Variants in SHOX observed in about 807,000 individuals in gnomAD.
The protein encoded by SHOX is SHOX homeobox.
A neutral mutation model predicts 29.6 loss-of-function variants in SHOX; 12 were observed. The observed-to-expected ratio is 0.41, with a 90% CI of 0.26 to 0.66. The LOEUF (loss-of-function observed/expected upper bound fraction) is 0.66, where lower values mean the gene tolerates loss of function less well. Among genes scored for constraint, SHOX ranks in the 30% least tolerant of loss-of-function variants. The probability of loss-of-function intolerance (pLI) is 0.35; values close to 1 mark genes in which losing one functional copy is unlikely to be tolerated. For synonymous variants in SHOX, 214 were observed against 200.6 expected, an observed-to-expected ratio of 1.07 and a Z score of -0.57; for missense variants, 499 against 437.7, an observed-to-expected ratio of 1.14 and a Z score of -1.25.
intron 2 of SHOX, among the ~76,000 whole-genome samples, chrX:635,245 A>G (rs2052724543): frequency 6.6e-6 from 1 of 151,924 alleles, no homozygotes; most frequent in South Asian, 2.1e-4. Context: ...CCTGGATTAT[A>G]CTTAGGAGAC....
Position 648,930 on chromosome X carries a change from C to CTT in SHOX, c.*4295_*4296insTT, listed in dbSNP as rs1457789033. ...TTCCTTTCTTTCTTTTTCTTTCTTT[C>CTT]TCTCTTTCTTTCTTTTCTTTCTTTC... On this transcript the variant is annotated 3_prime_UTR_variant, in exon 5 of 5. Transcript: ENST00000686671. Among the ~76,000 whole-genome samples the CTT allele has an allele frequency of 5.7e-5, 5 of 88,156 alleles. No individual in the cohort carries two copies. Among genetic ancestry groups the CTT allele is most frequent in the South Asian group, 2.9e-4 (1 of 3,504 alleles). The allele number at this position is 88,156 out of a possible 152,430, so 57.8% of individuals were successfully genotyped here. A position where few individuals can be genotyped will look rare whatever the true frequency, so the allele number is the denominator to read the frequency against.
chrX:640,387 G>A (rs2052830769), intron 2 of SHOX, among the ~76,000 whole-genome samples: 1 of 151,670 alleles, frequency 6.6e-6, no homozygotes, highest in Non-Finnish European at 1.5e-5. Context: ...AGACCAGCCT[G>A]GCCAACATGG....
intron 1 of SHOX, among the ~76,000 whole-genome samples, chrX:631,412 G>A (rs2052646362): frequency 1.3e-5 from 2 of 152,246 alleles, no homozygotes; most frequent in African/African-American, 4.8e-5. Context: ...CGCAGCGGGG[G>A]CCGCGCGCGT....
chrX:634,273 G>A (rs1341217824), intron 1 of SHOX, among the ~76,000 whole-genome samples: 1 of 151,996 alleles, frequency 6.6e-6, no homozygotes, highest in Admixed American at 6.5e-5. Flanking sequence ...ACAGTTGGCA[G>A]CTCTTCCTCA....
chrX:638,533 G>C (rs755181873), intron 2 of SHOX, among the ~76,000 whole-genome samples: 2 of 152,282 alleles, frequency 1.3e-5, no homozygotes, highest in East Asian at 3.9e-4. Context: ...CTTTTTGGCG[G>C]GGGTGTGAGG....
intron 4 of SHOX, among the ~76,000 whole-genome samples, chrX:643,011 GT>G (rs2052885256): frequency 7.1e-6 from 1 of 141,178 alleles, no homozygotes; most frequent in African/African-American, 2.7e-5. Context: ...GGGACCTGGT[GT>G]CTCTGGAAGA....
rs190751031 is a variant in SHOX, at chrX:648,259, C to T, written c.*3623C>T. Among the ~76,000 whole-genome samples, 452 of 139,902 alleles carry T rather than the reference C, an allele frequency of 3.2e-3. 5 individuals carry two copies. The highest frequency in any genetic ancestry group is 0.012 in the African/African-American group (432 of 35,866). 91.8% of individuals were successfully genotyped at this position (139,902 alleles called of 152,430 possible). A position where few individuals can be genotyped will look rare whatever the true frequency, so the allele number is the denominator to read the frequency against. Reference sequence around the variant, plus strand: ...GGTATTTTTAGTACAGACAGGGTTTCGGCCTCCTGAGTAGCTGGGATTACA... The same window carrying T: ...GGTATTTTTAGTACAGACAGGGTTTTGGCCTCCTGAGTAGCTGGGATTACA... On this transcript the variant is annotated 3_prime_UTR_variant, in exon 5 of 5. Coordinates refer to ENST00000686671, the MANE Select transcript of SHOX (RefSeq NM_000451.4).
downstream of SHOX, among the ~76,000 whole-genome samples, chrX:655,590 CTCTCTCTCTCTCTCTCTCTCTCTCTATA>C (rs1368152873): frequency 7.5e-5 from 4 of 53,450 alleles, no homozygotes; most frequent in African/African-American, 3.1e-4. Flanking sequence ...CTCTCTCTCT[CTCTCTCTCTCTCTCTCTCTCTCTCTATA>C]TATATATATA....
upstream of SHOX, among the ~76,000 whole-genome samples, chrX:629,926 A>T (rs1569492897): frequency 6.6e-6 from 1 of 152,120 alleles, no homozygotes; most frequent in Non-Finnish European, 1.5e-5. Context: ...AAAACCAAAA[A>T]CACAAGTATT....
chrX:625,122 CTCTT>C (rs1469250355), intron 1 of SHOX, among the ~76,000 whole-genome samples: 5 of 100,908 alleles, frequency 5.0e-5, no homozygotes, highest in African/African-American at 1.4e-4. Flanking sequence ...TTCTTTCTTT[CTCTT>C]TCTTTTTTCT....
rs1165791387 is a variant in SHOX at position 649,114 on chromosome X, T to C, written c.*4478T>C. ...GTGCAGTGGTGCAATCCCAGCTCAC[T>C]GCATCCTCTACCTCCTGGCTTCAAG... On this transcript the variant is annotated 3_prime_UTR_variant, in exon 5 of 5. Transcript: ENST00000686671. Among the ~76,000 whole-genome samples the C allele has an allele frequency of 4.6e-5, 7 of 152,028 alleles. No homozygotes were observed. The East Asian group carries it at 1.3e-3, about 29-fold the overall frequency.
intron 2 of SHOX, among the ~76,000 whole-genome samples, chrX:640,422 C>CG (rs2052831642): frequency 6.6e-6 from 1 of 150,572 alleles, no homozygotes; most frequent in Non-Finnish European, 1.5e-5. Context: ...TACTAAAATA[C>CG]AAAATTAGCC....
chrX:629,715 C>T (rs1603283392), upstream of SHOX, among the ~76,000 whole-genome samples: 1 of 152,186 alleles, frequency 6.6e-6, no homozygotes, highest in Middle Eastern at 3.4e-3. Flanking sequence ...GAAGATGCGC[C>T]GTGGGGTTAC....
chrX:655,972 G>T (rs1205963721), downstream of SHOX, among the ~76,000 whole-genome samples: 1 of 151,924 alleles, frequency 6.6e-6, no homozygotes, highest in Non-Finnish European at 1.5e-5. Context: ...GAGCCCAGGA[G>T]TTCAAGACCA....
rs2052995658 is a variant in SHOX at position 648,500 on chromosome X, A to G, written c.*3864A>G. 6.6e-6 allele frequency among the ~76,000 whole-genome samples: 1 copy of G among 152,198 alleles called. No homozygotes were observed. Among genetic ancestry groups the G allele is most frequent in the African/African-American group, 2.4e-5 (1 of 41,432 alleles). On this transcript the variant is annotated 3_prime_UTR_variant, in exon 5 of 5. Coordinates refer to ENST00000686671, the MANE Select transcript of SHOX (RefSeq NM_000451.4). Reference sequence around the variant, plus strand: ...GCTTTGTCCCTCGCAAAGTGCTGGGATTACAGGCGTGAGCCACCGCACCTG... The same window carrying G: ...GCTTTGTCCCTCGCAAAGTGCTGGGGTTACAGGCGTGAGCCACCGCACCTG...
rs898128341 is a variant in SHOX at position 649,844 on chromosome X, G to C, written c.*5208G>C. The C allele has an allele frequency of 2.2e-6, 1 of 452,838 alleles. No individual in the cohort carries two copies. The highest frequency in any genetic ancestry group is 2.0e-5 in the African/African-American group (1 of 49,874). 28.1% of individuals were successfully genotyped at this position (452,838 alleles called of 1,614,324 possible). ...TGGAGGGTTGTCAGTCGCCGCAGTT[G>C]AGCAAAAAACACTTCTTCCTTTGAG... On this transcript the variant is annotated 3_prime_UTR_variant, in exon 5 of 5. Coordinates refer to ENST00000686671, the MANE Select transcript of SHOX (RefSeq NM_000451.4).
Position 645,675 on chromosome X carries a change from G to C in SHOX, c.*1039G>C, listed in dbSNP as rs1034339650. On this transcript the variant is annotated 3_prime_UTR_variant, in exon 5 of 5. Transcript: ENST00000686671. ...GCCCTTTGCAAAAATCACGGGTGTA[G>C]AGATGGCCCTGGGCGCGCTGGGAGT... is the stretch of plus-strand genomic sequence containing the variant. 10 of 152,162 alleles carry C rather than the reference G, an allele frequency of 6.6e-5. No individual in the cohort carries two copies. Among genetic ancestry groups the C allele is most frequent in the Non-Finnish European group, 1.2e-4 (8 of 68,052 alleles). 9.4% of individuals were successfully genotyped at this position (152,162 alleles called of 1,614,324 possible). A position where few individuals can be genotyped will look rare whatever the true frequency, so the allele number is the denominator to read the frequency against.
intron 1 of SHOX, among the ~76,000 whole-genome samples, chrX:633,772 C>T (rs369252208): frequency 2.0e-4 from 30 of 152,030 alleles, no homozygotes; most frequent in East Asian, 1.7e-3. Context: ...CTTCCACCAG[C>T]CCTGGGTTGA....
In SHOX at chrX:650,791, T is replaced by TAAAAAAAA. The variant is rs1569495959; in HGVS notation, c.*6155_*6156insAAAAAAAA. Among the ~76,000 whole-genome samples the TAAAAAAAA allele has an allele frequency of 3.3e-5, 1 of 29,876 alleles. No individual in the cohort carries two copies. The highest frequency in any genetic ancestry group is 1.2e-4 in the African/African-American group (1 of 8,426). 19.6% of individuals were successfully genotyped at this position (29,876 alleles called of 152,430 possible). The stretch of plus-strand genomic sequence containing the variant: ...AGGCTTTCGGTGGACACGTTTGACA[T>TAAAAAAAA]TAAAAAAAAAAAAAAAAAAAAAAAA... On this transcript the variant is annotated 3_prime_UTR_variant, in exon 5 of 5. Coordinates refer to ENST00000686671, the MANE Select transcript of SHOX (RefSeq NM_000451.4).
Sources: gnomAD v4.1 joint callset for allele counts (sites outside exome capture counted in the v4.1 genomes callset) on GRCh38, gnomAD v4.1.1 for gene constraint, MANE v1.5 for transcripts, NCBI Gene and HGNC (gene_info 2026-07-23, HGNC 2026-07-21) for gene names.